The following NIPBL variants were observed in gnomAD, a reference collection of about 807,000 sequenced individuals.
NIPBL encodes NIPBL cohesin loading factor.
Under a neutral mutation model 321.8 loss-of-function variants are expected in NIPBL, and 19 were observed. That is an observed-to-expected ratio of 0.06 (90% CI 0.04 to 0.09). The LOEUF is 0.09. Ranked by LOEUF, NIPBL falls within the 10% of genes least tolerant of loss-of-function variation. The probability of loss-of-function intolerance (pLI) is 1.00; values close to 1 mark genes in which losing one functional copy is unlikely to be tolerated. For synonymous variants in NIPBL, 1,106 were observed against 1,114.1 expected, an observed-to-expected ratio of 0.99 and a Z score of 0.14; for missense variants, 2,210 against 3,327.0, an observed-to-expected ratio of 0.66 and a Z score of 8.26.
At chr5:37,022,486 C>A (rs532778257) in intron 29 of NIPBL, 96 bp downstream of exon 29, 292 of 1,043,942 alleles carry the variant, frequency 2.8e-4, no homozygotes, top group Non-Finnish European at 3.6e-4. Context: ...AATAAATGTA[C>A]CAATTATATA....
chr5:36,977,162 A>G (rs1185443570), intron 9 of NIPBL, among the ~76,000 whole-genome samples: 1 of 152,100 alleles, frequency 6.6e-6, no homozygotes, highest in Non-Finnish European at 1.5e-5. Context: ...CAGTGATTCA[A>G]ATTAGCAATA....
chr5:36,921,909 C>T (rs1475200928), intron 1 of NIPBL, among the ~76,000 whole-genome samples: 3 of 140,232 alleles, frequency 2.1e-5, no homozygotes, highest in South Asian at 2.2e-4. Context: ...TTTTTTGAAA[C>T]GAAGTCTTGC....
intron 1 of NIPBL, among the ~76,000 whole-genome samples, chr5:36,931,538 G>A (rs527276002): frequency 2.1e-4 from 32 of 152,014 alleles, no homozygotes; most frequent in African/African-American, 5.3e-4. Flanking sequence ...GGTTGCTCTC[G>A]AACTCCTGGA....
chr5:37,047,329 GTTAT>G (rs1244176350), intron 38 of NIPBL, among the ~76,000 whole-genome samples: 6 of 152,092 alleles, frequency 3.9e-5, no homozygotes, highest in Non-Finnish European at 7.4e-5. Context: ...TGCATGAGTA[GTTAT>G]TTATATTAGT....
intron 34 of NIPBL, among the ~76,000 whole-genome samples, chr5:37,042,265 T>G (rs1010847930): frequency 1.3e-5 from 2 of 150,188 alleles, no homozygotes; most frequent in Admixed American, 1.3e-4. Context: ...TGAAACCCTG[T>G]CTCTACTAAA....
At chr5:36,965,556 G>A (rs1480320612) in intron 6 of NIPBL, among the ~76,000 whole-genome samples, 2 of 152,026 alleles carry the variant, frequency 1.3e-5, no homozygotes, top group East Asian at 3.9e-4. Context: ...GATTAATGGG[G>A]ACAAATATAC....
At chr5:36,880,217 T>G (rs1027803914) in intron 1 of NIPBL, among the ~76,000 whole-genome samples, 1 of 152,014 alleles carries the variant, frequency 6.6e-6, no homozygotes, top group Non-Finnish European at 1.5e-5. Context: ...AATTTCATAT[T>G]TAATTTTTTG....
At chr5:36,884,440 T>C (rs1476932307) in intron 1 of NIPBL, among the ~76,000 whole-genome samples, 1 of 152,206 alleles carries the variant, frequency 6.6e-6, no homozygotes, top group Non-Finnish European at 1.5e-5. Flanking sequence ...AAATGTCAGC[T>C]CAAGGACCAG....
At chr5:36,896,835 A>G (rs1297947869) in intron 1 of NIPBL, among the ~76,000 whole-genome samples, 1 of 152,010 alleles carries the variant, frequency 6.6e-6, no homozygotes, top group Non-Finnish European at 1.5e-5. Flanking sequence ...CCTGGCCTCA[A>G]GTGATCTGCC....
At position 36,880,850 on chromosome 5, in the gene NIPBL, G is replaced by C. The variant is rs181085144; in HGVS notation, c.-80+3672G>C. ...GATATCCCTGTGAGAGAAGTGACCA[G>C]CTTTCCGTTTAATGATGAAATACTT... On this transcript the variant is annotated intron_variant, in intron 1 of 46. Transcript: ENST00000282516. Among the ~76,000 whole-genome samples, 360 of 152,124 alleles carry C rather than the reference G, an allele frequency of 2.4e-3. 1 individual carries two copies. Among genetic ancestry groups the C allele is most frequent in the African/African-American group, 8.1e-3 (336 of 41,538 alleles).
At chr5:36,884,473 G>GAA (rs1745738041) in intron 1 of NIPBL, among the ~76,000 whole-genome samples, 1 of 152,172 alleles carries the variant, frequency 6.6e-6, no homozygotes, top group African/African-American at 2.4e-5. Flanking sequence ...AGGAGAAAGA[G>GAA]AAAGCATTGC....
At chr5:36,883,574 C>T (rs1234815595) in intron 1 of NIPBL, among the ~76,000 whole-genome samples, 1 of 151,802 alleles carries the variant, frequency 6.6e-6, no homozygotes, top group Non-Finnish European at 1.5e-5. Flanking sequence ...TAAATTCTGA[C>T]TATACTTTTA....
Position 36,975,915 on chromosome 5 carries a change from A to T in NIPBL, c.1008A>T (p.Lys336Asn). ...AAATGAAATTAGGCAAGGATGAAAA[A>T]GAGCAGAGTGAGAAAGCGGCAATGT... ...QKKMKLGKDE[K>N]EQSEKAAMYD... Residue 336 changes from lysine to asparagine, a missense_variant, in exon 9 of 47, where the codon AAA (lysine) becomes AAT (asparagine). Physicochemically the swap from Lys to Asn is moderately conservative, Grantham distance 94. Transcript: ENST00000282516. 6.2e-7 allele frequency: 1 copy of T among 1,613,194 alleles called. No homozygotes were observed. The highest frequency in any genetic ancestry group is 8.5e-7 in the Non-Finnish European group (1 of 1,179,496).
chr5:37,044,241 A>T, intron 34 of NIPBL, 106 bp from the exon 35 acceptor site: 1 of 995,194 alleles, frequency 1.0e-6, no homozygotes, highest in Non-Finnish European at 1.5e-6. Flanking sequence ...TTTTAACTGG[A>T]CCTTTACGTG....
At chr5:37,045,740 CGTG>C (rs1752908625) in intron 37 of NIPBL, 143 bp downstream of exon 37, 7 of 832,978 alleles carry the variant, frequency 8.4e-6, no homozygotes, top group Non-Finnish European at 1.2e-5. Flanking sequence ...CTGCTCAAAA[CGTG>C]GTCCTCAGAC....
intron 33 of NIPBL, among the ~76,000 whole-genome samples, chr5:37,036,716 C>T (rs964337420): frequency 6.7e-6 from 1 of 150,272 alleles, no homozygotes; most frequent in African/African-American, 2.4e-5. Flanking sequence ...TGGGCCTCAC[C>T]TCTTTCACAT....
intron 4 of NIPBL, 125 bp downstream of exon 4, chr5:36,958,356 C>G (rs896019877): frequency 5.9e-5 from 51 of 870,182 alleles, no homozygotes; most frequent in Non-Finnish European, 8.3e-5. Flanking sequence ...AAGCCAAGAA[C>G]AAGAAGGAAA....
At chr5:37,003,109 T>C in intron 15 of NIPBL, 152 bp from the exon 16 acceptor site, 1 of 540,866 alleles carries the variant, frequency 1.8e-6, no homozygotes, top group Non-Finnish European at 3.3e-6. Flanking sequence ...GGTCGTTGAG[T>C]AGAAGTTCTA....
chr5:37,004,863 G>A (rs2149674968), intron 16 of NIPBL, among the ~76,000 whole-genome samples: 1 of 152,182 alleles, frequency 6.6e-6, no homozygotes, highest in Admixed American at 6.5e-5. Context: ...TACGTATGTA[G>A]TATATATATT....
Sources: allele counts gnomAD v4.1 joint callset (sites outside exome capture counted in the v4.1 genomes callset), GRCh38; gene constraint gnomAD v4.1.1; transcripts MANE v1.5; gene names NCBI Gene and HGNC (gene_info 2026-07-23, HGNC 2026-07-21).